Variants in COL4A1 observed in about 807,000 individuals in gnomAD.
The protein encoded by COL4A1 is collagen type IV alpha 1 chain, also known as collagen alpha-1(IV) chain.
In COL4A1, 40 loss-of-function variants were observed where a neutral mutation model predicts 216.6. The ratio of observed to expected loss-of-function variants is 0.18; its 90% CI spans 0.14 to 0.24. COL4A1 has a LOEUF of 0.24. Among genes scored for constraint, COL4A1 ranks in the 10% least tolerant of loss-of-function variants. COL4A1 has a pLI of 1.00. For missense variants in COL4A1, 1,628 were observed against 2,196.8 expected, an observed-to-expected ratio of 0.74 and a Z score of 5.18; for synonymous variants, 839 against 810.7, an observed-to-expected ratio of 1.03 and a Z score of -0.59.
chr13:110,192,742 C>T (rs1043606464), intron 23 of COL4A1, 88 bp downstream of exon 23: 2 of 1,177,458 alleles, frequency 1.7e-6, no homozygotes, highest in Admixed American at 1.9e-5. Flanking sequence ...AAAATCAGGC[C>T]TTCTATGGAG....
At position 110,164,968 on chromosome 13, in the gene COL4A1, G is replaced by C; in HGVS notation, c.4044C>G (p.Pro1348=). 6.2e-7 allele frequency: 1 copy of C among 1,605,190 alleles called. No homozygotes were observed. The highest frequency in any genetic ancestry group is 8.5e-7 in the Non-Finnish European group (1 of 1,176,402). ...GAKGLPGPPG[P]PGPYDIIKGE... is the part of the protein sequence containing the mutation. ...CTTTGATGATGTCGTAAGGACCTGGGGGGCCAGGAGGACCCGGGAGACCTG... is the reference window on the plus strand; with the variant it reads ...CTTTGATGATGTCGTAAGGACCTGGCGGGCCAGGAGGACCCGGGAGACCTG... Residue 1348 remains proline, a synonymous_variant, in exon 46 of 52, where the codon CCC becomes CCG. Coordinates refer to ENST00000375820, the MANE Select transcript of COL4A1 (RefSeq NM_001845.6).
intron 37 of COL4A1, 139 bp from the exon 38 acceptor site, chr13:110,174,888 A>C (rs1877810034): frequency 1.1e-5 from 11 of 968,066 alleles, no homozygotes; most frequent in African/African-American, 1.1e-4. Flanking sequence ...CTCATCAAAG[A>C]ATCAAAGTCC....
intron 24 of COL4A1, 149 bp from the exon 25 acceptor site, chr13:110,187,478 G>A: frequency 2.3e-6 from 2 of 884,490 alleles, no homozygotes; most frequent in East Asian, 5.2e-5. Context: ...CTAGATGCAA[G>A]CCAGGAGCTC....
intron 36 of COL4A1, among the ~76,000 whole-genome samples, chr13:110,175,709 G>A (rs183772806): frequency 6.6e-6 from 1 of 152,338 alleles, no homozygotes; most frequent in Admixed American, 6.5e-5. Context: ...GCTCTCATCA[G>A]CCAGACGTCA....
chr13:110,253,783 AC>A (rs1882376364), intron 1 of COL4A1, among the ~76,000 whole-genome samples: 1 of 113,640 alleles, frequency 8.8e-6, no homozygotes, highest in African/African-American at 2.9e-5. Flanking sequence ...TATTATATAT[AC>A]GTATAATTAT....
At chr13:110,228,629 G>A (rs1345628091) in intron 2 of COL4A1, among the ~76,000 whole-genome samples, 2 of 152,170 alleles carry the variant, frequency 1.3e-5, no homozygotes, top group African/African-American at 2.4e-5. Context: ...GAAAGGAAAC[G>A]GATGCTTATA....
chr13:110,303,663 C>CT (rs1403469459), intron 1 of COL4A1, among the ~76,000 whole-genome samples: 1 of 152,240 alleles, frequency 6.6e-6, no homozygotes, highest in African/African-American at 2.4e-5. Flanking sequence ...GAAGTTTCCT[C>CT]TGAGTTCCCC....
chr13:110,168,147 G>C (rs545117422), intron 43 of COL4A1, among the ~76,000 whole-genome samples: 35 of 152,164 alleles, frequency 2.3e-4, no homozygotes, highest in African/African-American at 7.9e-4. Flanking sequence ...AGCCTTCCAA[G>C]TGGCTGGGAT....
At chr13:110,305,482 C>T (rs964645851) in intron 1 of COL4A1, among the ~76,000 whole-genome samples, 4 of 152,228 alleles carry the variant, frequency 2.6e-5, no homozygotes, top group Non-Finnish European at 5.9e-5. Flanking sequence ...GCTCCTATTT[C>T]CCAATGAAGA....
intron 1 of COL4A1, among the ~76,000 whole-genome samples, chr13:110,282,631 C>G (rs1883678637): frequency 6.6e-6 from 1 of 152,144 alleles, no homozygotes; most frequent in African/African-American, 2.4e-5. Flanking sequence ...AGATGAAGTG[C>G]TCTCACATAA....
chr13:110,296,781 A>C (rs1594125570), intron 1 of COL4A1, among the ~76,000 whole-genome samples: 2 of 152,262 alleles, frequency 1.3e-5, no homozygotes, highest in African/African-American at 4.8e-5. Flanking sequence ...TCCATTGGTT[A>C]TAAATTGGAA....
chr13:110,163,423 C>T, intron 47 of COL4A1, 40 bp downstream of exon 47: 2 of 1,582,182 alleles, frequency 1.3e-6, no homozygotes, highest in Non-Finnish European at 1.7e-6. Flanking sequence ...TCCCAAAGAT[C>T]CTGGTCAAGG....
At chr13:110,198,179 C>T (rs1353056537) in intron 21 of COL4A1, among the ~76,000 whole-genome samples, 3 of 150,296 alleles carry the variant, frequency 2.0e-5, no homozygotes, top group African/African-American at 7.3e-5. Context: ...ATAAAAATTA[C>T]ATAACTCAAC....
At position 110,164,971 on chromosome 13, in the gene COL4A1, G is replaced by T. The variant is rs754285681; in HGVS notation, c.4041C>A (p.Gly1347=). ...PGAKGLPGPP[G]PPGPYDIIKG... ...TGATGATGTCGTAAGGACCTGGGGG[G>T]CCAGGAGGACCCGGGAGACCTGTGG... The change falls in exon 46 of 52, where the codon GGC becomes GGA. Residue 1347 remains glycine (G), a synonymous_variant. Coordinates refer to ENST00000375820, the MANE Select transcript of COL4A1 (RefSeq NM_001845.6). 1.1e-5 allele frequency: 18 copies of T among 1,605,228 alleles called. No individual in the cohort carries two copies. Among genetic ancestry groups the T allele is most frequent in the Non-Finnish European group, 1.4e-5 (17 of 1,176,392 alleles).
intron 1 of COL4A1, among the ~76,000 whole-genome samples, chr13:110,255,541 G>GA (rs1199248865): frequency 9.1e-6 from 1 of 110,304 alleles, no homozygotes; most frequent in African/African-American, 3.6e-5. Flanking sequence ...GGAAAGGAGG[G>GA]AAAGGAAGGG....
rs374712976 is a variant in COL4A1, at chr13:110,253,027, T to C, written c.85-10293A>G. On this transcript the variant is annotated intron_variant, in intron 1 of 51. Transcript: ENST00000375820. ...ACAGATAACTATAAGTACGTATGTATTACATATACATATAACTATAAGTAC... is the reference window on the plus strand; with the variant it reads ...ACAGATAACTATAAGTACGTATGTACTACATATACATATAACTATAAGTAC... 8.0e-3 allele frequency among the ~76,000 whole-genome samples: 546 copies of C among 68,370 alleles called. 145 individuals are homozygous for C. Among genetic ancestry groups the C allele is most frequent in the South Asian group, 0.023 (30 of 1,318 alleles). 44.9% of individuals were successfully genotyped at this position (68,370 alleles called of 152,430 possible).
At chr13:110,181,618 C>T (rs901533678) in intron 28 of COL4A1, among the ~76,000 whole-genome samples, 2 of 152,104 alleles carry the variant, frequency 1.3e-5, no homozygotes, top group Non-Finnish European at 2.9e-5. Flanking sequence ...TTTCTCTCTC[C>T]TTTCCTTTTC....
At chr13:110,262,193 T>TG (rs943011883) in intron 1 of COL4A1, among the ~76,000 whole-genome samples, 1 of 151,402 alleles carries the variant, frequency 6.6e-6, no homozygotes, top group Non-Finnish European at 1.5e-5. Context: ...CCCCGAGAGG[T>TG]GGGGGTCACT....
intron 41 of COL4A1, 104 bp downstream of exon 41, chr13:110,172,615 CT>C (rs1217572392): frequency 1.3e-5 from 15 of 1,126,028 alleles, no homozygotes; most frequent in Non-Finnish European, 2.0e-5. Flanking sequence ...CCGTTGCTGC[CT>C]GGCCAACAGG....
Sources: allele counts gnomAD v4.1 joint callset (sites outside exome capture counted in the v4.1 genomes callset), GRCh38; gene constraint gnomAD v4.1.1; transcripts MANE v1.5; gene names NCBI Gene and HGNC (gene_info 2026-07-23, HGNC 2026-07-21).